Variants in PTPRT observed in about 807,000 individuals in gnomAD.
PTPRT encodes protein tyrosine phosphatase receptor type T, also known as receptor-type tyrosine-protein phosphatase T.
PTPRT carries 56 observed loss-of-function variants against 176.8 expected under a neutral mutation model. The observed-to-expected ratio is 0.32, with a 90% CI of 0.26 to 0.40. PTPRT has a LOEUF of 0.40. Ranked by LOEUF, PTPRT falls within the 10% of genes least tolerant of loss-of-function variation. PTPRT has a pLI of 1.00. For synonymous variants in PTPRT, 783 were observed against 739.0 expected, an observed-to-expected ratio of 1.06 and a Z score of -0.96; for missense variants, 1,540 against 1,908.2, an observed-to-expected ratio of 0.81 and a Z score of 3.60.
intron 9 of PTPRT, among the ~76,000 whole-genome samples, chr20:42,392,747 G>A (rs1458930765): frequency 6.6e-6 from 1 of 152,150 alleles, no homozygotes; most frequent in African/African-American, 2.4e-5. Flanking sequence ...GCTTTCAGAA[G>A]GTGGAATTCA....
chr20:42,547,257 G>A (rs2072692148), intron 7 of PTPRT, among the ~76,000 whole-genome samples: 1 of 152,054 alleles, frequency 6.6e-6, no homozygotes, highest in African/African-American at 2.4e-5. Context: ...TAAGTGAAAA[G>A]TTCAGAAAAG....
intron 7 of PTPRT, among the ~76,000 whole-genome samples, chr20:42,661,570 A>T (rs1027272238): frequency 6.6e-6 from 1 of 152,174 alleles, no homozygotes; most frequent in African/African-American, 2.4e-5. Context: ...CCCTAAGCCC[A>T]GGTGGGAAAA....
At chr20:42,518,516 G>A (rs2072110701) in intron 7 of PTPRT, among the ~76,000 whole-genome samples, 1 of 151,998 alleles carries the variant, frequency 6.6e-6, no homozygotes, top group Admixed American at 6.6e-5. Context: ...TTTCTTGAAA[G>A]TTATCCATTT....
intron 1 of PTPRT, among the ~76,000 whole-genome samples, chr20:43,088,333 GGTGTGT>G (rs67837016): frequency 0.39 from 56,114 of 142,592 alleles, 10,995 homozygotes; most frequent in East Asian, 0.5. Flanking sequence ...TTTGCTTTGG[GGTGTGT>G]GTGTGTGTGT....
chr20:42,883,695 CTCCCATACACCCCCATACACA>C (rs2079042439), intron 2 of PTPRT, among the ~76,000 whole-genome samples: 1 of 144,464 alleles, frequency 6.9e-6, no homozygotes, highest in Non-Finnish European at 1.5e-5. Context: ...ACACACACAC[CTCCCATACACCCCCATACACA>C]CACACCCATA....
At chr20:43,082,203 G>A (rs942786204) in intron 1 of PTPRT, among the ~76,000 whole-genome samples, 18 of 152,204 alleles carry the variant, frequency 1.2e-4, no homozygotes, top group Admixed American at 9.2e-4. Context: ...AAGAGTACGT[G>A]CATCTTAATC....
At chr20:42,967,872 C>A (rs182940236) in intron 1 of PTPRT, among the ~76,000 whole-genome samples, 66 of 152,254 alleles carry the variant, frequency 4.3e-4, no homozygotes, top group African/African-American at 1.5e-3. Context: ...AAGGCTGATA[C>A]GTTCTTGCCC....
At chr20:42,114,721 C>T (rs962610522) in intron 22 of PTPRT, among the ~76,000 whole-genome samples, 3 of 152,170 alleles carry the variant, frequency 2.0e-5, no homozygotes, top group African/African-American at 7.2e-5. Flanking sequence ...TACAAATATT[C>T]CTTGGGGGAT....
intron 13 of PTPRT, among the ~76,000 whole-genome samples, chr20:42,256,080 A>G (rs1375117194): frequency 6.6e-6 from 1 of 152,128 alleles, no homozygotes; most frequent in Non-Finnish European, 1.5e-5. Context: ...CCCTGACTCT[A>G]AGCTGGTACT....
chr20:43,087,060 T>C (rs1015564870), intron 1 of PTPRT, among the ~76,000 whole-genome samples: 1 of 152,328 alleles, frequency 6.6e-6, no homozygotes, highest in South Asian at 2.1e-4. Flanking sequence ...TGCAGGGAAA[T>C]GCCCCTCCCC....
rs1489143829 is a variant in PTPRT, at chr20:42,098,480, G to C, written c.3787C>G (p.Leu1263Val). 6.2e-7 allele frequency: 1 copy of C among 1,614,180 alleles called. No homozygotes were observed. The highest frequency in any genetic ancestry group is 2.2e-5 in the East Asian group (1 of 44,880). ...LPNTVADFWRLVFDYNCSSVV... is the reference protein window; with the variant it reads ...LPNTVADFWRVVFDYNCSSVV... Reference sequence around the variant, plus strand: ...GAGGAGCAGTTGTAATCGAACACCAGCCTCCAGAAGTCTGCCACGGTGTTG... The same window carrying C: ...GAGGAGCAGTTGTAATCGAACACCACCCTCCAGAAGTCTGCCACGGTGTTG... The change falls in exon 27 of 31, where the codon CTG becomes GTG. Residue 1263 changes from leucine to valine, a missense_variant. Transcript: ENST00000373187.
At chr20:42,387,161 T>G (rs2058752565) in intron 9 of PTPRT, among the ~76,000 whole-genome samples, 1 of 152,232 alleles carries the variant, frequency 6.6e-6, no homozygotes, top group Non-Finnish European at 1.5e-5. Context: ...ATATTAAACA[T>G]ATTCATACAG....
At chr20:42,502,445 CACAT>C (rs1429575865) in intron 7 of PTPRT, among the ~76,000 whole-genome samples, 10 of 139,716 alleles carry the variant, frequency 7.2e-5, no homozygotes, top group Non-Finnish European at 1.4e-4. Context: ...CACACACACA[CACAT>C]CTCAAATGAG....
chr20:43,102,734 G>C (rs1340393820), intron 1 of PTPRT, among the ~76,000 whole-genome samples: 1 of 152,176 alleles, frequency 6.6e-6, no homozygotes. Context: ...CAGCAGGACT[G>C]CACGCTGGTA....
intron 2 of PTPRT, among the ~76,000 whole-genome samples, chr20:42,824,031 T>C (rs557321669): frequency 2.6e-4 from 40 of 152,036 alleles, no homozygotes; most frequent in African/African-American, 9.4e-4. Context: ...AATCCCATGG[T>C]AGCAAATAAC....
chr20:42,157,631 C>A (rs186381631), intron 17 of PTPRT, among the ~76,000 whole-genome samples: 4 of 152,098 alleles, frequency 2.6e-5, no homozygotes, highest in Admixed American at 6.6e-5. Flanking sequence ...TCTTCCCCCC[C>A]CAATATTTCT....
intron 18 of PTPRT, among the ~76,000 whole-genome samples, chr20:42,136,029 A>G (rs1360243482): frequency 1.3e-5 from 2 of 151,992 alleles, no homozygotes; most frequent in African/African-American, 4.8e-5. Context: ...CCTCTTTCAT[A>G]CAGTTCTAAC....
chr20:42,877,725 G>A (rs114157323), intron 2 of PTPRT, among the ~76,000 whole-genome samples: 15 of 152,238 alleles, frequency 9.9e-5, no homozygotes, highest in East Asian at 7.7e-4. Context: ...TTTATGGCCC[G>A]TGAACAAGCT....
chr20:42,806,321 T>C (rs1569166847), intron 2 of PTPRT, among the ~76,000 whole-genome samples: 1 of 151,844 alleles, frequency 6.6e-6, no homozygotes, highest in Non-Finnish European at 1.5e-5. Flanking sequence ...CCATCTCTAC[T>C]AAAAATATAA....
Sources: gnomAD v4.1 joint callset for allele counts (sites outside exome capture counted in the v4.1 genomes callset) on GRCh38, gnomAD v4.1.1 for gene constraint, MANE v1.5 for transcripts, NCBI Gene and HGNC (gene_info 2026-07-23, HGNC 2026-07-21) for gene names.